PARD3: variants seen among roughly 807,000 people sequenced by gnomAD.
PARD3 encodes the protein par-3 family cell polarity regulator.
Under a neutral mutation model 155.4 loss-of-function variants are expected in PARD3, and 75 were observed. The ratio of observed to expected loss-of-function variants is 0.48; its 90% confidence interval spans 0.40 to 0.58. PARD3 has a LOEUF of 0.58. Ranked by LOEUF, PARD3 falls within the 20% of genes least tolerant of loss-of-function variation. The pLI is 0.00. For missense variants in PARD3, 1,642 were observed against 1,721.7 expected (o/e 0.95, Z 0.82); for synonymous variants, 576 against 610.5 (o/e 0.94, Z 0.83).
intron 12 of PARD3, among the ~76,000 whole-genome samples, chr10:34,363,674 T>G (rs1179247389): frequency 6.6e-6 from 1 of 152,204 alleles, no homozygotes; most frequent in Non-Finnish European, 1.5e-5. Context: ...ATTCTGCACC[T>G]TATCAACTGT....
At chr10:34,812,922 A>C (rs1486595064) in intron 1 of PARD3, among the ~76,000 whole-genome samples, 2 of 152,134 alleles carry the variant, frequency 1.3e-5, no homozygotes, top group African/African-American at 4.8e-5. Context: ...CAGGTCCGTG[A>C]CCAAGGCCCT....
intron 2 of PARD3, among the ~76,000 whole-genome samples, chr10:34,603,692 A>G (rs948802131): frequency 6.6e-6 from 1 of 152,196 alleles, no homozygotes; most frequent in Admixed American, 6.5e-5. Context: ...ATCCCAACAT[A>G]TTAGACAGGG....
At chr10:34,382,171 C>G (rs1166135253) in intron 9 of PARD3, among the ~76,000 whole-genome samples, 1 of 151,950 alleles carries the variant, frequency 6.6e-6, no homozygotes, top group Non-Finnish European at 1.5e-5. Flanking sequence ...ATGGGGCAGT[C>G]AAAATGGTCA....
At chr10:34,313,159 G>A (rs998421409) in intron 20 of PARD3, among the ~76,000 whole-genome samples, 1 of 152,146 alleles carries the variant, frequency 6.6e-6, no homozygotes, top group Non-Finnish European at 1.5e-5. Flanking sequence ...ATATCCTCCA[G>A]TATTAAATTT....
chr10:34,356,773 G>A (rs907779474), intron 14 of PARD3, among the ~76,000 whole-genome samples: 2 of 152,208 alleles, frequency 1.3e-5, no homozygotes, highest in Admixed American at 1.3e-4. Context: ...CTTACTGGAA[G>A]CTGAATTGAG....
chr10:34,390,969 T>A (rs1842821360), intron 7 of PARD3, among the ~76,000 whole-genome samples: 1 of 152,168 alleles, frequency 6.6e-6, no homozygotes, highest in African/African-American at 2.4e-5. Flanking sequence ...GAATGTCAAT[T>A]CCAAATAAGA....
At chr10:34,324,343 C>T (rs1300515519) in intron 19 of PARD3, among the ~76,000 whole-genome samples, 1 of 152,138 alleles carries the variant, frequency 6.6e-6, no homozygotes, top group Non-Finnish European at 1.5e-5. Flanking sequence ...ACTAAAAAGT[C>T]TCGGATGCAC....
intron 4 of PARD3, among the ~76,000 whole-genome samples, chr10:34,466,968 C>T (rs1355609579): frequency 1.3e-5 from 2 of 151,944 alleles, no homozygotes; most frequent in East Asian, 3.8e-4. Context: ...ATATCATATG[C>T]GAATATCACT....
At chr10:34,485,635 T>C (rs1030568929) in intron 3 of PARD3, among the ~76,000 whole-genome samples, 1 of 152,098 alleles carries the variant, frequency 6.6e-6, no homozygotes. Context: ...GAAAGGAGTA[T>C]CTGGGTTAAT....
At chr10:34,610,419 G>A (rs1348409043) in intron 2 of PARD3, among the ~76,000 whole-genome samples, 1 of 152,118 alleles carries the variant, frequency 6.6e-6, no homozygotes, top group African/African-American at 2.4e-5. Flanking sequence ...TCAAGAATTG[G>A]TCGGACATTA....
intron 2 of PARD3, among the ~76,000 whole-genome samples, chr10:34,690,089 A>T (rs542478069): frequency 6.6e-6 from 1 of 152,236 alleles, no homozygotes; most frequent in African/African-American, 2.4e-5. Flanking sequence ...GATTACAGGC[A>T]CATGCCACCA....
chr10:34,593,080 A>T (rs114920027), intron 2 of PARD3, among the ~76,000 whole-genome samples: 80 of 152,362 alleles, frequency 5.3e-4, no homozygotes, highest in African/African-American at 1.9e-3. Flanking sequence ...TGAGAAAGAC[A>T]CAAGTACGCC....
intron 1 of PARD3, among the ~76,000 whole-genome samples, chr10:34,800,275 A>G (rs1842730179): frequency 6.6e-6 from 1 of 152,196 alleles, no homozygotes. Context: ...AGGGCCTGAT[A>G]CAACATGTGC....
At chr10:34,749,166 T>C (rs1835680788) in intron 1 of PARD3, among the ~76,000 whole-genome samples, 1 of 152,256 alleles carries the variant, frequency 6.6e-6, no homozygotes, top group South Asian at 2.1e-4. Context: ...AAATTGTAAA[T>C]ATAGCAGTCA....
At chr10:34,657,104 A>G (rs1284520671) in intron 2 of PARD3, among the ~76,000 whole-genome samples, 1 of 152,146 alleles carries the variant, frequency 6.6e-6, no homozygotes, top group Non-Finnish European at 1.5e-5. Context: ...GCAATTGCAT[A>G]AATAAGAAAA....
At chr10:34,793,854 A>G (rs561497783) in intron 1 of PARD3, among the ~76,000 whole-genome samples, 1 of 152,318 alleles carries the variant, frequency 6.6e-6, no homozygotes, top group African/African-American at 2.4e-5. Context: ...ATATTCATGA[A>G]CCAGGAGATA....
intron 22 of PARD3, among the ~76,000 whole-genome samples, chr10:34,268,184 T>C (rs545787019): frequency 2.9e-4 from 44 of 152,250 alleles, no homozygotes; most frequent in Admixed American, 2.2e-3. Context: ...AGTAAATATA[T>C]AGCCATTAAA....
intron 1 of PARD3, among the ~76,000 whole-genome samples, chr10:34,725,539 T>A (rs1378392396): frequency 3.9e-5 from 6 of 152,160 alleles, no homozygotes; most frequent in African/African-American, 1.4e-4. Context: ...AAGCCAGGAT[T>A]TTCACAACAG....
At chr10:34,355,049 T>C in intron 14 of PARD3, among the ~76,000 whole-genome samples, 1 of 152,030 alleles carries the variant, frequency 6.6e-6, no homozygotes, top group African/African-American at 2.4e-5. Context: ...GGAAGAGAGA[T>C]TCTAGGCCAG....
Sources: allele counts gnomAD v4.1 joint callset (sites outside exome capture counted in the v4.1 genomes callset), GRCh38; gene constraint gnomAD v4.1.1; transcripts MANE v1.5; gene names NCBI Gene and HGNC (gene_info 2026-07-23, HGNC 2026-07-21).